The following NDC1 variants were observed in gnomAD, a reference collection of about 807,000 sequenced individuals.
The protein encoded by NDC1 is NDC1 transmembrane nucleoporin.
In NDC1, 24 loss-of-function variants were observed where a neutral mutation model predicts 89.8. The observed-to-expected ratio is 0.27, with a 90% CI of 0.19 to 0.38. NDC1 has a LOEUF of 0.38. Ranked by LOEUF, NDC1 falls within the 10% of genes least tolerant of loss-of-function variation. The pLI, the probability that NDC1 is intolerant of heterozygous loss-of-function variation, is 1.00. For missense variants in NDC1, 728 were observed against 797.6 expected (o/e 0.91, Z 1.05); for synonymous variants, 296 against 284.8 (o/e 1.04, Z -0.39).
At chr1:53,838,113 C>A (rs2100703351) in intron 1 of NDC1, 92 bp downstream of exon 1, 1 of 1,195,792 alleles carries the variant, frequency 8.4e-7, no homozygotes, top group Non-Finnish European at 1.2e-6. Flanking sequence ...GCCCCGGGAC[C>A]GGCCCTCCCC....
intron 9 of NDC1, among the ~76,000 whole-genome samples, chr1:53,805,807 G>A (rs954664679): frequency 6.6e-6 from 1 of 152,210 alleles, no homozygotes; most frequent in African/African-American, 2.4e-5. Context: ...GGGCGCGGTG[G>A]CTCACGCCTG....
In NDC1 at chr1:53,803,716, C is replaced by A. The variant is rs545040720; in HGVS notation, c.1066+212G>T. On this transcript the variant is annotated intron_variant, in intron 10 of 17. Transcript: ENST00000371429. ...CCTTTCCAGCAGCTGGGACTACAGG[C>A]GCCCGCCACCACGCCCGGCTAATTT... Among the ~76,000 whole-genome samples the A allele has an allele frequency of 3.3e-5, 5 of 152,212 alleles. No individual in the cohort carries two copies. In the South Asian group the frequency reaches 8.3e-4, roughly 25 times the overall value.
Position 53,778,754 on chromosome 1 carries a change from C to T in NDC1, c.1801-6265G>A, listed in dbSNP as rs150746836. Among the ~76,000 whole-genome samples, 4 of 152,248 alleles carry T rather than the reference C, an allele frequency of 2.6e-5. No individual in the cohort carries two copies. In the East Asian group the frequency reaches 7.7e-4, roughly 29 times the overall value. ...TAGTTTAAACTGGGTATCTGTCTGA[C>T]ACTATGTCTGCTAGATTGCTTGCTA... is the stretch of plus-strand genomic sequence containing the variant. On this transcript the variant is annotated intron_variant, in intron 16 of 17. Transcript: ENST00000371429.
At chr1:53,828,499 A>T (rs78823354) in intron 3 of NDC1, among the ~76,000 whole-genome samples, 7 of 150,194 alleles carry the variant, frequency 4.7e-5, no homozygotes, top group Non-Finnish European at 8.9e-5. Flanking sequence ...AAGAATAATG[A>T]TTTTTTTTTT....
At position 53,800,711 on chromosome 1, in the gene NDC1, T is replaced by C. The variant is rs1281168485; in HGVS notation, c.1204A>G (p.Lys402Glu). Residue 402 changes from lysine (K) to glutamate (E), a missense_variant, in exon 11 of 18, where the codon AAG becomes GAG. By Grantham distance (56) the Lys-to-Glu change is moderately conservative. Transcript: ENST00000371429. Reference protein sequence around the residue: ...RVSSSYPVEPKKLNSPEETAF... With the variant: ...RVSSSYPVEPEKLNSPEETAF... ...GGATTACCTGGAGAATTTAATTTCT[T>C]AGGTTCCACTGGGTAAGATGAAGAC... is the stretch of plus-strand genomic sequence containing the variant. 14 of 1,614,030 alleles carry C rather than the reference T, an allele frequency of 8.7e-6. No homozygotes were observed. Among genetic ancestry groups the C allele is most frequent in the Non-Finnish European group, 1.1e-5 (13 of 1,180,000 alleles).
chr1:53,814,329 T>G (rs1648410285), intron 6 of NDC1, among the ~76,000 whole-genome samples: 1 of 152,078 alleles, frequency 6.6e-6, no homozygotes, highest in African/African-American at 2.4e-5. Flanking sequence ...CACTCCAGCC[T>G]GGGCAACAGA....
chr1:53,777,530 C>T (rs1008221338), intron 16 of NDC1, among the ~76,000 whole-genome samples: 1 of 151,974 alleles, frequency 6.6e-6, no homozygotes, highest in African/African-American at 2.4e-5. Flanking sequence ...TGTCCTTAAC[C>T]CCTCTCTAGT....
chr1:53,838,166 G>A (rs903769322), intron 1 of NDC1, 39 bp downstream of exon 1: 4 of 1,507,424 alleles, frequency 2.7e-6, no homozygotes, highest in African/African-American at 1.4e-5. Context: ...CGCCCGGCCC[G>A]ACCCTGGCAG....
intron 17 of NDC1, among the ~76,000 whole-genome samples, chr1:53,768,385 C>A (rs1647084119): frequency 1.3e-5 from 2 of 152,152 alleles, no homozygotes; most frequent in South Asian, 4.1e-4. Flanking sequence ...CCAACATTAT[C>A]TTTGAGTTGT....
chr1:53,797,801 T>C (rs1647770188), intron 11 of NDC1, among the ~76,000 whole-genome samples: 1 of 152,058 alleles, frequency 6.6e-6, no homozygotes, highest in South Asian at 2.1e-4. Context: ...GCTAATTTTT[T>C]TATTTTTTGT....
chr1:53,800,332 C>CTTTTTTTTTTT, intron 11 of NDC1, among the ~76,000 whole-genome samples: 1 of 80,676 alleles, frequency 1.2e-5, no homozygotes, highest in Non-Finnish European at 2.2e-5. Context: ...CTACAGTCAT[C>CTTTTTTTTTTT]TTTTTTTTTT....
At chr1:53,794,433 G>A (rs920078235) in intron 13 of NDC1, among the ~76,000 whole-genome samples, 11 of 152,184 alleles carry the variant, frequency 7.2e-5, no homozygotes, top group African/African-American at 2.7e-4. Context: ...GCACGTGTCT[G>A]GTTGGGTAGA....
intron 1 of NDC1, 37 bp downstream of exon 1, chr1:53,838,168 C>A: frequency 6.6e-7 from 1 of 1,525,354 alleles, no homozygotes; most frequent in African/African-American, 1.4e-5. Context: ...CCCGGCCCGA[C>A]CCTGGCAGTG....
At chr1:53,784,060 T>C (rs1406811508) in intron 16 of NDC1, among the ~76,000 whole-genome samples, 1 of 152,184 alleles carries the variant, frequency 6.6e-6, no homozygotes, top group Non-Finnish European at 1.5e-5. Context: ...AGCAGAGTAA[T>C]TTTGGTATAG....
intron 4 of NDC1, among the ~76,000 whole-genome samples, chr1:53,827,089 AC>A (rs1648887016): frequency 1.3e-5 from 2 of 152,058 alleles, no homozygotes; most frequent in Admixed American, 1.3e-4. Context: ...TTTAATGTTT[AC>A]CAACAGGACA....
intron 9 of NDC1, among the ~76,000 whole-genome samples, chr1:53,804,389 C>T (rs1480118601): frequency 2.0e-5 from 3 of 152,216 alleles, no homozygotes; most frequent in Non-Finnish European, 4.4e-5. Flanking sequence ...CATCTGATTC[C>T]ACCCACCAAA....
intron 13 of NDC1, 112 bp downstream of exon 13, chr1:53,796,577 G>C (rs1484678197): frequency 3.3e-6 from 2 of 598,082 alleles, no homozygotes; most frequent in Non-Finnish European, 5.4e-6. Flanking sequence ...AATACACGAA[G>C]CATAAAAAAA....
intron 10 of NDC1, among the ~76,000 whole-genome samples, chr1:53,802,987 CT>C (rs1647972730): frequency 6.6e-6 from 1 of 152,136 alleles, no homozygotes; most frequent in South Asian, 2.1e-4. Context: ...AAGCCAATCT[CT>C]GAGACTTAAA....
chr1:53,795,390 C>A (rs1004235515), intron 13 of NDC1, among the ~76,000 whole-genome samples: 1 of 152,130 alleles, frequency 6.6e-6, no homozygotes, highest in African/African-American at 2.4e-5. Flanking sequence ...CCGCTATATG[C>A]CTAATTTCTT....
Sources: allele counts gnomAD v4.1 joint callset (sites outside exome capture counted in the v4.1 genomes callset), GRCh38; gene constraint gnomAD v4.1.1; transcripts MANE v1.5; gene names NCBI Gene and HGNC (gene_info 2026-07-23, HGNC 2026-07-21).